RANBP2: variants seen among roughly 807,000 people sequenced by gnomAD.
RANBP2 encodes the protein E3 SUMO-protein ligase RanBP2.
RANBP2 carries 57 observed loss-of-function variants against 303.6 expected under a neutral mutation model. The observed-to-expected ratio is 0.19, with a 90% CI of 0.15 to 0.23. RANBP2 has a LOEUF of 0.23. Ranked by LOEUF, RANBP2 falls within the 10% of genes least tolerant of loss-of-function variation. RANBP2 has a pLI of 1.00. For synonymous variants in RANBP2, 1,167 were observed against 1,301.5 expected, an observed-to-expected ratio of 0.90 and a Z score of 2.23; for missense variants, 3,138 against 3,780.8, an observed-to-expected ratio of 0.83 and a Z score of 4.46.
the RANBP2 span, among the ~76,000 whole-genome samples, chr2:109,511,825 CAGAG>C: frequency 1.3e-5 from 2 of 152,238 alleles, 1 homozygote; most frequent in South Asian, 4.1e-4. Flanking sequence ...GGGGGGTGGA[CAGAG>C]AGAGAGGTGA....
At chr2:108,768,417 C>T (rs771820922) in intron 20 of RANBP2, 29 bp downstream of exon 20, 1 of 1,609,148 alleles carries the variant, frequency 6.2e-7, no homozygotes, top group Non-Finnish European at 8.5e-7. Flanking sequence ...AAGTTAAGCA[C>T]AATTTTTCTT....
chr2:109,544,727 G>GT, the RANBP2 span: 1 of 847,188 alleles, frequency 1.2e-6, no homozygotes, highest in Non-Finnish European at 1.4e-6. Flanking sequence ...TAAATTTATA[G>GT]TTTATCTTTC....
the RANBP2 span, chr2:109,616,701 T>G: frequency 5.4e-5 from 9 of 167,076 alleles, no homozygotes; most frequent in African/African-American, 1.9e-4. Flanking sequence ...CAATTTCAGT[T>G]TTAATCACTG....
the RANBP2 span, among the ~76,000 whole-genome samples, chr2:109,155,160 C>T: frequency 3.9e-5 from 6 of 152,124 alleles, no homozygotes; most frequent in South Asian, 6.2e-4. Context: ...CGGTGGTGTT[C>T]GGCATTTTGC....
chr2:109,650,322 G>A, the RANBP2 span, among the ~76,000 whole-genome samples: 2 of 152,322 alleles, frequency 1.3e-5, no homozygotes, highest in South Asian at 2.1e-4. Context: ...GTCATTGCAG[G>A]AAGCCGCTAG....
chr2:109,260,195 T>C, the RANBP2 span, among the ~76,000 whole-genome samples: 1 of 152,140 alleles, frequency 6.6e-6, no homozygotes, highest in African/African-American at 2.4e-5. Flanking sequence ...AAGCCTGCAG[T>C]GCACTACTGA....
At chr2:109,045,767 A>G in the RANBP2 span, among the ~76,000 whole-genome samples, 1 of 152,088 alleles carries the variant, frequency 6.6e-6, no homozygotes, top group Non-Finnish European at 1.5e-5. Flanking sequence ...GGAAGAAGGA[A>G]GGGAGGAGGA....
chr2:109,129,635 G>C, the RANBP2 span: 2 of 1,494,790 alleles, frequency 1.3e-6, no homozygotes, highest in Non-Finnish European at 1.8e-6. Flanking sequence ...GAGCGACGGC[G>C]GCGTCGGGCG....
At chr2:109,310,091 G>T in the RANBP2 span, among the ~76,000 whole-genome samples, 3 of 105,090 alleles carry the variant, frequency 2.9e-5, 1 homozygote, top group Non-Finnish European at 5.3e-5. Context: ...ATGGTTGGAA[G>T]TAAAGCTCTC....
chr2:109,708,967 G>A, the RANBP2 span, among the ~76,000 whole-genome samples: 1 of 146,128 alleles, frequency 6.8e-6, no homozygotes, highest in African/African-American at 2.5e-5. Flanking sequence ...ACAGAGCAAG[G>A]CTCCCTCTCA....
At chr2:109,707,937 C>A in the RANBP2 span, among the ~76,000 whole-genome samples, 1 of 152,224 alleles carries the variant, frequency 6.6e-6, no homozygotes, top group East Asian at 1.9e-4. Context: ...TGGAAAGTGG[C>A]ATAGAGGGTG....
At chr2:109,348,103 C>G in the RANBP2 span, among the ~76,000 whole-genome samples, 2 of 152,218 alleles carry the variant, frequency 1.3e-5, no homozygotes, top group African/African-American at 2.4e-5. Context: ...CAGCCTCCCT[C>G]CCTGTGCTTC....
the RANBP2 span, among the ~76,000 whole-genome samples, chr2:109,221,881 G>C: frequency 1.3e-5 from 2 of 152,000 alleles, no homozygotes; most frequent in Non-Finnish European, 2.9e-5. Context: ...AAAGAAATCA[G>C]TGTATCAAAG....
chr2:108,754,598 A>G (rs1241879060), intron 15 of RANBP2, among the ~76,000 whole-genome samples: 1 of 151,476 alleles, frequency 6.6e-6, no homozygotes, highest in Admixed American at 6.6e-5. Flanking sequence ...ACATTCCTCT[A>G]CAATTATCAT....
the RANBP2 span, among the ~76,000 whole-genome samples, chr2:109,318,593 C>T: frequency 2.0e-5 from 3 of 152,322 alleles, no homozygotes; most frequent in South Asian, 6.2e-4. Flanking sequence ...AGAGCCAGCT[C>T]CTGAGGGGAT....
chr2:109,251,140 T>C, the RANBP2 span, among the ~76,000 whole-genome samples: 14 of 152,086 alleles, frequency 9.2e-5, no homozygotes, highest in African/African-American at 3.4e-4. Context: ...GTAGCTGGGA[T>C]TACAGGCATC....
At chr2:109,034,576 T>C in the RANBP2 span, among the ~76,000 whole-genome samples, 1 of 152,212 alleles carries the variant, frequency 6.6e-6, no homozygotes, top group African/African-American at 2.4e-5. Context: ...GGAGCCACCA[T>C]GTAAGCAAAT....
chr2:108,729,728 T>C (rs1695016403), intron 2 of RANBP2, among the ~76,000 whole-genome samples: 1 of 151,780 alleles, frequency 6.6e-6, no homozygotes. Flanking sequence ...TTTTTTTTTT[T>C]TTTTTTAGGC....
the RANBP2 span, among the ~76,000 whole-genome samples, chr2:109,331,647 T>G: frequency 6.6e-6 from 1 of 152,246 alleles, no homozygotes. Context: ...TGTCCCCTTA[T>G]AAAGTGTATG....
Sources: gnomAD v4.1 joint callset for allele counts (sites outside exome capture counted in the v4.1 genomes callset) on GRCh38, gnomAD v4.1.1 for gene constraint, MANE v1.5 for transcripts, NCBI Gene and HGNC (gene_info 2026-07-23, HGNC 2026-07-21) for gene names.